PKHD1L1: variants seen among roughly 807,000 people sequenced by gnomAD.
PKHD1L1 encodes the protein fibrocystin-L.
A neutral mutation model predicts 462.9 loss-of-function variants in PKHD1L1; 434 were observed. That is an observed-to-expected ratio of 0.94 (90% CI 0.87 to 1.02). The LOEUF (loss-of-function observed/expected upper bound fraction) is 1.02. Among genes scored for constraint, PKHD1L1 ranks in the 50% least tolerant of loss-of-function variants. The pLI is 0.00. For missense variants in PKHD1L1, 5,202 were observed against 5,096.1 expected (o/e 1.02, Z -0.63); for synonymous variants, 1,781 against 1,750.0 (o/e 1.02, Z -0.44).
chr8:109,429,962 A>C lies in PKHD1L1; in HGVS notation c.3154A>C (p.Lys1052Gln). The stretch of plus-strand genomic sequence containing the variant: ...AGTCTATGTCAATGGAATTCCAGCT[A>C]AATGTTCAGGTGACTGTGGATTTAC... Reference protein sequence around the residue: ...VEVYVNGIPAKCSGDCGFTWD... With the variant: ...VEVYVNGIPAQCSGDCGFTWD... Residue 1052 changes from lysine (K) to glutamine (Q), a missense_variant, in exon 27 of 78, where the codon AAA becomes CAA. By Grantham distance (53) the Lys-to-Gln change is moderately conservative (BLOSUM62 1). Around this residue, in one of 3 missense-constraint regions of PKHD1L1, gnomAD observed 4,497 missense variants for 4,336.8 expected, o/e 1.04. Coordinates refer to ENST00000378402, the MANE Select transcript of PKHD1L1 (RefSeq NM_177531.6). The C allele has an allele frequency of 1.2e-6, 2 of 1,612,386 alleles. No individual in the cohort carries two copies. Among genetic ancestry groups the C allele is most frequent in the Non-Finnish European group, 1.7e-6 (2 of 1,179,142 alleles).
In PKHD1L1 at chr8:109,385,707, A is replaced by T. The variant is rs959544534; in HGVS notation, c.569+77A>T. ...TATTATAAAAATAATGGGTCCAATG[A>T]TATTAAATCCCATTACAATGTAATA... On this transcript the variant is annotated intron_variant, in intron 6 of 77. Coordinates refer to ENST00000378402, the MANE Select transcript of PKHD1L1 (RefSeq NM_177531.6). 8.9e-5 allele frequency: 81 copies of T among 914,146 alleles called. 1 individual carries two copies. In the Admixed American group the frequency reaches 2.5e-3, roughly 28 times the overall value. The allele number at this position is 914,146 out of a possible 1,614,324, so 56.6% of individuals were successfully genotyped here. A position where few individuals can be genotyped will look rare whatever the true frequency, so the allele number is the denominator to read the frequency against.
chr8:109,370,329 G>C (rs201766644), intron 2 of PKHD1L1, among the ~76,000 whole-genome samples: 1 of 151,898 alleles, frequency 6.6e-6, no homozygotes, highest in Non-Finnish European at 1.5e-5. Context: ...GGCCAGGCTG[G>C]TCTCGAATTC....
intron 28 of PKHD1L1, among the ~76,000 whole-genome samples, chr8:109,434,016 A>G (rs1815255136): frequency 6.6e-6 from 1 of 152,166 alleles, no homozygotes; most frequent in Non-Finnish European, 1.5e-5. Flanking sequence ...ACAAGAACGG[A>G]AAACCAAACA....
intron 56 of PKHD1L1, 104 bp from the exon 57 acceptor site, chr8:109,482,883 G>GT: frequency 1.4e-6 from 1 of 693,670 alleles, no homozygotes; most frequent in Non-Finnish European, 2.2e-6. Flanking sequence ...GTTCTAAAAT[G>GT]TTTAATCACA....
intron 35 of PKHD1L1, among the ~76,000 whole-genome samples, 199 bp from the exon 36 acceptor site, chr8:109,442,747 T>A (rs1815872200): frequency 2.6e-5 from 4 of 152,242 alleles, no homozygotes; most frequent in Admixed American, 2.6e-4. Context: ...CTTGTTTTCA[T>A]GGAATGTAAT....
chr8:109,393,484 G>A (rs1812805305), intron 9 of PKHD1L1, among the ~76,000 whole-genome samples: 1 of 152,060 alleles, frequency 6.6e-6, no homozygotes, highest in African/African-American at 2.4e-5. Context: ...TATGAATAAT[G>A]GGCACTGTGT....
intron 72 of PKHD1L1, among the ~76,000 whole-genome samples, chr8:109,517,543 A>T (rs1214850686): frequency 6.6e-6 from 1 of 152,134 alleles, no homozygotes; most frequent in Non-Finnish European, 1.5e-5. Flanking sequence ...TTCATTCATT[A>T]TAATGATCTC....
At chr8:109,378,107 A>G (rs529779736) in intron 2 of PKHD1L1, among the ~76,000 whole-genome samples, 2 of 152,320 alleles carry the variant, frequency 1.3e-5, no homozygotes, top group African/African-American at 4.8e-5. Context: ...TCTAGCTACC[A>G]ACACATTTCT....
At chr8:109,405,157 CTG>C in intron 16 of PKHD1L1, 27 bp downstream of exon 16, 1 of 1,320,138 alleles carries the variant, frequency 7.6e-7, no homozygotes, top group East Asian at 2.5e-5. Context: ...AAGGGAGATA[CTG>C]TTTCTGTTCA....
chr8:109,399,012 C>T (rs1213973303), intron 12 of PKHD1L1, among the ~76,000 whole-genome samples: 1 of 151,884 alleles, frequency 6.6e-6, no homozygotes, highest in Non-Finnish European at 1.5e-5. Flanking sequence ...CACCTTGTGG[C>T]TCAGTGAAAT....
Position 109,477,414 on chromosome 8 carries a change from A to G in PKHD1L1, c.9089+18A>G. ...ACATATAAGTACATAGGCCTTTTGTAGTTGATACCCTTCAATATCTCTTAA... is the reference window on the plus strand; with the variant it reads ...ACATATAAGTACATAGGCCTTTTGTGGTTGATACCCTTCAATATCTCTTAA... On this transcript the variant is annotated intron_variant, in intron 53 of 77. Transcript: ENST00000378402. 2 of 1,589,224 alleles carry G rather than the reference A, an allele frequency of 1.3e-6. No individual in the cohort carries two copies. The highest frequency in any genetic ancestry group is 1.7e-6 in the Non-Finnish European group (2 of 1,161,428).
chr8:109,420,877 G>A (rs1586474392), intron 23 of PKHD1L1, among the ~76,000 whole-genome samples, 187 bp downstream of exon 23: 2 of 151,702 alleles, frequency 1.3e-5, no homozygotes, highest in African/African-American at 4.8e-5. Flanking sequence ...TATGTCTATG[G>A]GAAGGAAAAC....
chr8:109,412,680 CAA>C (rs1214029981), intron 20 of PKHD1L1, among the ~76,000 whole-genome samples: 3 of 151,806 alleles, frequency 2.0e-5, no homozygotes, highest in Non-Finnish European at 2.9e-5. Context: ...TATTTGCACA[CAA>C]GTTTAAATAC....
intron 2 of PKHD1L1, among the ~76,000 whole-genome samples, chr8:109,374,383 C>T (rs1421094345): frequency 6.6e-6 from 1 of 152,132 alleles, no homozygotes; most frequent in East Asian, 1.9e-4. Context: ...TTATTTTGAG[C>T]CTATGTGTGT....
intron 5 of PKHD1L1, among the ~76,000 whole-genome samples, chr8:109,384,920 C>T (rs1248950211): frequency 6.6e-6 from 1 of 151,784 alleles, no homozygotes; most frequent in Non-Finnish European, 1.5e-5. Context: ...TACAAGGATT[C>T]TTTATATATC....
At chr8:109,462,897 C>T (rs1351735578) in intron 48 of PKHD1L1, among the ~76,000 whole-genome samples, 2 of 152,096 alleles carry the variant, frequency 1.3e-5, no homozygotes, top group Non-Finnish European at 2.9e-5. Flanking sequence ...GCATGGCTGA[C>T]ACCCTAATTT....
At chr8:109,381,661 T>C (rs955518213) in intron 3 of PKHD1L1, 147 bp downstream of exon 3, 17 of 604,832 alleles carry the variant, frequency 2.8e-5, no homozygotes, top group Non-Finnish European at 3.7e-5. Flanking sequence ...TTTTGTGATG[T>C]TTAGACTATT....
chr8:109,418,968 AT>A, intron 21 of PKHD1L1, 128 bp from the exon 22 acceptor site: 1 of 727,022 alleles, frequency 1.4e-6, no homozygotes, highest in Non-Finnish European at 2.1e-6. Context: ...TTCTGTGCTA[AT>A]AAAGCTCCCC....
Position 109,459,747 on chromosome 8 carries a change from G to C in PKHD1L1, c.7157G>C (p.Gly2386Ala). The C allele has an allele frequency of 6.2e-7, 1 of 1,611,790 alleles. No individual in the cohort carries two copies. Among genetic ancestry groups the C allele is most frequent in the Non-Finnish European group, 8.5e-7 (1 of 1,178,764 alleles). ...GTLFEARAEV[G>A]ILTRNILIRG... is the part of the protein sequence containing the mutation. The stretch of plus-strand genomic sequence containing the variant: ...CTGTTTGAAGCAAGAGCAGAAGTTG[G>C]AATTCTTACAAGAAATATTTTAATA... The change falls in exon 47 of 78, where the codon GGA becomes GCA. Residue 2386 changes from glycine to alanine, a missense_variant. Physicochemically the swap from Gly to Ala is moderately conservative, Grantham distance 60. This residue lies in a region of PKHD1L1 where 4,497 missense variants were observed against 4,336.8 expected (regional missense o/e 1.04). Coordinates refer to ENST00000378402, the MANE Select transcript of PKHD1L1 (RefSeq NM_177531.6).
Sources: gnomAD v4.1 joint callset for allele counts (sites outside exome capture counted in the v4.1 genomes callset) on GRCh38, gnomAD v4.1.1 for gene constraint, gnomAD v4.1.1 regional missense constraint, MANE v1.5 for transcripts, NCBI Gene and HGNC (gene_info 2026-07-23, HGNC 2026-07-21) for gene names.